Variants in CCDC141 observed in about 807,000 individuals in gnomAD.
The protein encoded by CCDC141 is coiled-coil domain containing 141, also known as coiled-coil domain-containing protein 141.
Under a neutral mutation model 181.0 loss-of-function variants are expected in CCDC141, and 168 were observed. That is an observed-to-expected ratio of 0.93 (90% CI 0.82 to 1.05). CCDC141 has a LOEUF of 1.05. Ranked by LOEUF, CCDC141 falls within the 50% of genes least tolerant of loss-of-function variation. The pLI is 0.00. For synonymous variants in CCDC141, 666 were observed against 642.3 expected (o/e 1.04, Z -0.56); for missense variants, 1,902 against 1,788.5 (o/e 1.06, Z -1.14).
intron 4 of CCDC141, among the ~76,000 whole-genome samples, chr2:178,970,339 C>T (rs1434079877): frequency 6.6e-6 from 1 of 152,168 alleles, no homozygotes; most frequent in Non-Finnish European, 1.5e-5. Flanking sequence ...AAGAACAAAG[C>T]TGGAGGCATC....
intron 2 of CCDC141, among the ~76,000 whole-genome samples, chr2:179,020,107 G>A (rs971380355): frequency 2.0e-5 from 3 of 152,092 alleles, no homozygotes; most frequent in Non-Finnish European, 4.4e-5. Flanking sequence ...ATATTTATTA[G>A]CAATAAAGAC....
At chr2:178,997,082 C>T (rs1308334356) in intron 2 of CCDC141, among the ~76,000 whole-genome samples, 6 of 152,120 alleles carry the variant, frequency 3.9e-5, no homozygotes, top group Admixed American at 2.6e-4. Context: ...AAGTGTGCCT[C>T]CTATGAGATT....
At chr2:179,015,104 A>ATATATATATCATATC (rs1246580816) in intron 2 of CCDC141, among the ~76,000 whole-genome samples, 1 of 16,122 alleles carries the variant, frequency 6.2e-5, no homozygotes, top group African/African-American at 1.3e-4. Flanking sequence ...ATATATATAT[A>ATATATATATCATATC]ATATATATAT....
chr2:178,896,867 C>T (rs1006986236), intron 8 of CCDC141, among the ~76,000 whole-genome samples: 5 of 152,236 alleles, frequency 3.3e-5, no homozygotes, highest in African/African-American at 1.2e-4. Flanking sequence ...TAATTTATGT[C>T]TAGAGCACAG....
chr2:179,019,076 T>C (rs1485413658), intron 2 of CCDC141, among the ~76,000 whole-genome samples: 1 of 152,204 alleles, frequency 6.6e-6, no homozygotes, highest in Non-Finnish European at 1.5e-5. Context: ...TTTTTGTCAG[T>C]GTTAATTACC....
intron 4 of CCDC141, among the ~76,000 whole-genome samples, chr2:178,966,513 C>G (rs557756373): frequency 6.6e-6 from 1 of 152,266 alleles, no homozygotes; most frequent in South Asian, 2.1e-4. Flanking sequence ...TCCAGCAGAC[C>G]TGCAGCAGAG....
rs952664164 is a variant in CCDC141 at position 178,853,581 on chromosome 2, A to C, written c.3104T>G (p.Val1035Gly). ...YEDASATVVR[V>G]GKYSTECKTK... is the part of the protein sequence containing the mutation. ...CTTGCACTCTGTGGAATATTTTCCA[A>C]CTCTTACAACTGTGGCACTTGCATC... Residue 1035 changes from valine to glycine, a missense_variant, in exon 20 of 24, where the codon GTT becomes GGT. Physicochemically the swap from Val to Gly is moderately radical, Grantham distance 109. Coordinates refer to ENST00000443758, the MANE Select transcript of CCDC141 (RefSeq NM_173648.4). 2 of 1,613,806 alleles carry C rather than the reference A, an allele frequency of 1.2e-6. No homozygotes were observed. Among genetic ancestry groups the C allele is most frequent in the African/African-American group, 2.7e-5 (2 of 74,908 alleles).
At chr2:178,960,627 A>T (rs1313151870) in intron 5 of CCDC141, among the ~76,000 whole-genome samples, 1 of 152,160 alleles carries the variant, frequency 6.6e-6, no homozygotes, top group Non-Finnish European at 1.5e-5. Flanking sequence ...TAATTGTAGC[A>T]GAAGGAATGC....
intron 6 of CCDC141, among the ~76,000 whole-genome samples, chr2:178,930,236 T>C (rs191384366): frequency 3.9e-4 from 60 of 152,012 alleles, no homozygotes; most frequent in Middle Eastern, 6.8e-3. Flanking sequence ...GTAAAATACC[T>C]AGGAATAAAT....
chr2:179,015,642 T>TATAGCTCATATATATATCTCAC (rs2042495193), intron 2 of CCDC141, among the ~76,000 whole-genome samples: 2 of 141,580 alleles, frequency 1.4e-5, no homozygotes, highest in African/African-American at 2.6e-5. Flanking sequence ...ATATATCTCA[T>TATAGCTCATATATATATCTCAC]ATATATCTCA....
chr2:178,983,753 A>G (rs1365983228), intron 2 of CCDC141, among the ~76,000 whole-genome samples: 7 of 151,914 alleles, frequency 4.6e-5, no homozygotes, highest in African/African-American at 7.3e-5. Context: ...AGTGAGAAGG[A>G]AAGTTTAGAG....
chr2:178,853,803 G>A (rs2154367402), intron 19 of CCDC141, among the ~76,000 whole-genome samples, 179 bp from the exon 20 acceptor site: 1 of 152,294 alleles, frequency 6.6e-6, no homozygotes, highest in African/African-American at 2.4e-5. Flanking sequence ...GCACTTAAAT[G>A]TTAGCAGCAG....
At chr2:179,015,068 A>AT (rs2042391145) in intron 2 of CCDC141, among the ~76,000 whole-genome samples, 1 of 9,286 alleles carries the variant, frequency 1.1e-4, no homozygotes, top group African/African-American at 4.3e-4. Context: ...AGAGACAGAG[A>AT]TATATATATA....
At chr2:179,027,917 TC>T (rs2042899270) in intron 2 of CCDC141, among the ~76,000 whole-genome samples, 1 of 152,168 alleles carries the variant, frequency 6.6e-6, no homozygotes. Flanking sequence ...TGTTTGTTGT[TC>T]CCTTCTTTGC....
intron 2 of CCDC141, among the ~76,000 whole-genome samples, chr2:179,009,754 C>T (rs2042215147): frequency 6.6e-6 from 1 of 151,718 alleles, no homozygotes; most frequent in Non-Finnish European, 1.5e-5. Context: ...GGTTGGCCTC[C>T]CCAAAAAATC....
At chr2:178,977,943 C>A (rs115416159) in intron 3 of CCDC141, among the ~76,000 whole-genome samples, 2,029 of 152,244 alleles carry the variant, frequency 0.013, 27 homozygotes, top group African/African-American at 0.04. Context: ...AGGACTTTTT[C>A]CTTCTCTTGT....
In CCDC141 at chr2:178,850,230, A is replaced by C; in HGVS notation, c.3245-69T>G. ...TAGCAAGAAGAAAAGTCCAGGTATAAATTCATCTCCCTGTCCAGTGTAAGG... is the reference window on the plus strand; with the variant it reads ...TAGCAAGAAGAAAAGTCCAGGTATACATTCATCTCCCTGTCCAGTGTAAGG... On this transcript the variant is annotated intron_variant, in intron 20 of 23. Coordinates refer to ENST00000443758, the MANE Select transcript of CCDC141 (RefSeq NM_173648.4). 3 of 775,216 alleles carry C rather than the reference A, an allele frequency of 3.9e-6. No individual in the cohort carries two copies. In the South Asian group the frequency reaches 4.4e-5, roughly 11 times the overall value. The allele number at this position is 775,216 out of a possible 1,614,324, so 48.0% of individuals were successfully genotyped here.
At chr2:178,825,217 C>T (rs920458895), downstream of CCDC141, 1 of 152,026 alleles carries the variant, frequency 6.6e-6, no homozygotes, top group African/African-American at 2.4e-5. Context: ...AGGTGTAATA[C>T]AGTGGTTGGC....
chr2:178,992,315 AT>A (rs1692091790), intron 2 of CCDC141, among the ~76,000 whole-genome samples: 1 of 116,704 alleles, frequency 8.6e-6, no homozygotes, highest in Non-Finnish European at 1.8e-5. Flanking sequence ...AAATTTTTAT[AT>A]TTTTGCAATT....
Sources: gnomAD v4.1 joint callset for allele counts (sites outside exome capture counted in the v4.1 genomes callset) on GRCh38, gnomAD v4.1.1 for gene constraint, MANE v1.5 for transcripts, NCBI Gene and HGNC (gene_info 2026-07-23, HGNC 2026-07-21) for gene names.